Variants in SIRT7 observed in about 807,000 individuals in gnomAD.
The protein encoded by SIRT7 is sirtuin 7.
SIRT7 carries 32 observed loss-of-function variants against 42.8 expected under a neutral mutation model. The observed-to-expected ratio is 0.75, with a 90% CI of 0.56 to 1.00. The LOEUF (loss-of-function observed/expected upper bound fraction) is 1.00. SIRT7 is among the 50% of genes least tolerant of loss of function. The pLI is 0.00. For missense variants in SIRT7, 553 were observed against 572.2 expected, an observed-to-expected ratio of 0.97 and a Z score of 0.34; for synonymous variants, 297 against 245.2, an observed-to-expected ratio of 1.21 and a Z score of -1.97.
chr17:81,917,936 T>C lies in SIRT7; in HGVS notation c.125A>G (p.Glu42Gly), dbSNP rs1598344810. 1 of 1,390,314 alleles carries C rather than the reference T, an allele frequency of 7.2e-7. No homozygotes were observed. Among genetic ancestry groups the C allele is most frequent in the Non-Finnish European group, 9.3e-7 (1 of 1,073,372 alleles). The allele number at this position is 1,390,314 out of a possible 1,614,324, so 86.1% of individuals were successfully genotyped here. A position where few individuals can be genotyped will look rare whatever the true frequency, so the allele number is the denominator to read the frequency against. Reference sequence around the variant, plus strand: ...CAGCCGGCCCTCCTCGGCGCTGCGCTCCGCCGCCGCCTTCCTCAGGATGCG... The same window carrying C: ...CAGCCGGCCCTCCTCGGCGCTGCGCCCCGCCGCCGCCTTCCTCAGGATGCG... ...VSRILRKAAAERSAEEGRLLA... is the reference protein window; with the variant it reads ...VSRILRKAAAGRSAEEGRLLA... The change falls in exon 2 of 10, where the codon GAG (glutamate) becomes GGG (glycine). Residue 42 changes from glutamate to glycine, a missense_variant. Glu to Gly is a moderately conservative substitution (Grantham distance 98). Transcript: ENST00000328666.
chr17:81,915,070 G>A (rs140403377), intron 5 of SIRT7: 1 of 481,076 alleles, frequency 2.1e-6, no homozygotes, highest in Admixed American at 3.4e-5. Context: ...GACCTAGGCA[G>A]ATCAACCACT....
In SIRT7 at chr17:81,913,971, T is replaced by C. The variant is rs898246771; in HGVS notation, c.898-91A>G. The stretch of plus-strand genomic sequence containing the variant: ...TGGCCCCTACGGGCTCAGTCGGTGC[T>C]CCCTGAGCACCCACGGGGGCCCTAT... On this transcript the variant is annotated intron_variant, in intron 8 of 9. Coordinates refer to ENST00000328666, the MANE Select transcript of SIRT7 (RefSeq NM_016538.3). This position sits in a 1 kb window ranked among gnomAD's most constrained non-coding sequence, Gnocchi z 5.0. 91 of 1,543,206 alleles carry C rather than the reference T, an allele frequency of 5.9e-5. No homozygotes were observed. The Admixed American group carries it at 1.4e-3, about 23-fold the overall frequency.
Position 81,918,088 on chromosome 17 carries a change from T to TCCG in SIRT7, c.41_43dup (p.Ala14dup), listed in dbSNP as rs761260147. 2 of 1,551,316 alleles carry TCCG rather than the reference T, an allele frequency of 1.3e-6. No individual in the cohort carries two copies. The highest frequency in any genetic ancestry group is 1.7e-6 in the Non-Finnish European group (2 of 1,159,870). On this transcript the variant is annotated inframe_insertion, in exon 1 of 10. Transcript: ENST00000328666. ...CTCCTCCCGCAACCTCCGGACCCGC[T>TCCG]CCGCCGCTTTGCGCTCGGAGCGGCT...
chr17:81,915,488 C>T lies in SIRT7; in HGVS notation c.432G>A (p.Glu144=). 1 of 1,613,658 alleles carries T rather than the reference C, an allele frequency of 6.2e-7. No individual in the cohort carries two copies. Among genetic ancestry groups the T allele is most frequent in the Non-Finnish European group, 8.5e-7 (1 of 1,179,912 alleles). The change falls in exon 5 of 10, where the codon GAG becomes GAA. Residue 144 remains glutamate (E), a synonymous_variant. Coordinates refer to ENST00000328666, the MANE Select transcript of SIRT7 (RefSeq NM_016538.3). Reference sequence around the variant, plus strand: ...TGATGCTCATGTGGGTGAGGGTTGGCTCGGCCTCGCTCAGGTCGGCAGCAC... The same window carrying T: ...TGATGCTCATGTGGGTGAGGGTTGGTTCGGCCTCGCTCAGGTCGGCAGCAC... ...SVSAADLSEA[E]PTLTHMSITR...
rs565310494 is a variant in SIRT7, at chr17:81,912,728, T to C, written c.1005-114A>G. 1.4e-3 allele frequency: 1,578 copies of C among 1,149,688 alleles called. 4 individuals are homozygous for C. The highest frequency in any genetic ancestry group is 1.8e-3 in the Non-Finnish European group (1,452 of 791,970). 71.2% of individuals were successfully genotyped at this position (1,149,688 alleles called of 1,614,324 possible). A position where few individuals can be genotyped will look rare whatever the true frequency, so the allele number is the denominator to read the frequency against. On this transcript the variant is annotated intron_variant, in intron 9 of 9. Transcript: ENST00000328666. The stretch of plus-strand genomic sequence containing the variant: ...TGCCTTCCCATCCCCTTCCCTCCCG[T>C]GTCAACTGCGGCGGGGCTCTGGTTG...
intron 3 of SIRT7, 123 bp downstream of exon 3, chr17:81,917,492 G>A: frequency 1.2e-6 from 1 of 821,538 alleles, no homozygotes; most frequent in South Asian, 2.7e-5. Context: ...GTTTACCTTA[G>A]GTAAGTTTTG....
rs199857799 is a variant in SIRT7 at position 81,914,306 on chromosome 17, C to T, written c.804G>A (p.Gly268=). The stretch of plus-strand genomic sequence containing the variant: ...CATCGGCACGTACCTTCAGGCTGGA[C>T]CCTAGACACAGGATGGTGTCTGCTC... ...ASRADTILCL[G]SSLKVLKKYP... The change falls in exon 7 of 10, where the codon GGG becomes GGA. Residue 268 remains glycine (G), a synonymous_variant. Transcript: ENST00000328666. The T allele has an allele frequency of 6.8e-6, 11 of 1,613,140 alleles. No individual in the cohort carries two copies. The highest frequency in any genetic ancestry group is 8.5e-6 in the Non-Finnish European group (10 of 1,179,998).
chr17:81,917,491 A>T, intron 3 of SIRT7, 124 bp downstream of exon 3: 1 of 797,074 alleles, frequency 1.3e-6, no homozygotes, highest in Non-Finnish European at 1.8e-6. Context: ...CGTTTACCTT[A>T]GGTAAGTTTT....
In SIRT7 at chr17:81,914,358, C is replaced by T; in HGVS notation, c.752G>A (p.Trp251Ter). The T allele has an allele frequency of 6.2e-7, 1 of 1,613,030 alleles. No individual in the cohort carries two copies. The highest frequency in any genetic ancestry group is 8.5e-7 in the Non-Finnish European group (1 of 1,180,002). The change falls in exon 7 of 10, where the codon TGG becomes TAG. Residue 251 changes from tryptophan (W) to a stop codon, truncating the protein, a stop_gained. Transcript: ENST00000328666. LOFTEE classifies it high-confidence loss of function. ...ERGTLGQPLN[W>*]EAATEAASRA... ...GCTGGCAGCCTCGGTCGCCGCTTCC[C>T]AGTTCAAAGGCTGCCCCAACGTCCC...
Position 81,917,973 on chromosome 17 carries a change from G to T in SIRT7, c.94-6C>A. On this transcript the variant is annotated splice_region_variant and splice_polypyrimidine_tract_variant and intron_variant, in intron 1 of 9. Transcript: ENST00000328666. The stretch of plus-strand genomic sequence containing the variant: ...TTCCTCAGGATGCGCGACACCTGCG[G>T]GCAGGCGGACGGTGAGCGGCGGCGC... The T allele has an allele frequency of 7.5e-7, 1 of 1,340,074 alleles. No individual in the cohort carries two copies. 83.0% of individuals were successfully genotyped at this position (1,340,074 alleles called of 1,614,324 possible).
intron 3 of SIRT7, chr17:81,916,073 T>C: frequency 1.1e-5 from 3 of 281,552 alleles, no homozygotes; most frequent in Non-Finnish European, 2.1e-5. Context: ...TAGCAAATGG[T>C]GAATCCCTAG....
chr17:81,912,489 C>T lies in SIRT7; in HGVS notation c.1130G>A (p.Ser377Asn), dbSNP rs754975676. 12 of 1,613,930 alleles carry T rather than the reference C, an allele frequency of 7.4e-6. No homozygotes were observed. In the South Asian group the frequency reaches 9.9e-5, roughly 13 times the overall value. Residue 377 changes from serine (S) to asparagine (N), a missense_variant, in exon 10 of 10, where the codon AGC becomes AAC. Ser to Asn is a conservative substitution (Grantham distance 46). Transcript: ENST00000328666. Reference sequence around the variant, plus strand: ...CCAGCCCCCTAGGATGGGGGCCGAGCTAAGCGGTGCACCCCGGTCCCCAGG... The same window carrying T: ...CCAGCCCCCTAGGATGGGGGCCGAGTTAAGCGGTGCACCCCGGTCCCCAGG... ...APPGDRGAPLSSAPILGGWFG... is the reference protein window; with the variant it reads ...APPGDRGAPLNSAPILGGWFG...
rs2040680413 is a variant in SIRT7, at chr17:81,912,261, G to GC, written c.*154dup. ...CGTATCAGGGTACAACCGCAGCAGT[G>GC]CAAGGGGCTTCCTCAAGGACAAATG... is the stretch of plus-strand genomic sequence containing the variant. On this transcript the variant is annotated 3_prime_UTR_variant, in exon 10 of 10. Coordinates refer to ENST00000328666, the MANE Select transcript of SIRT7 (RefSeq NM_016538.3). 2.1e-6 allele frequency: 2 copies of GC among 936,784 alleles called. No individual in the cohort carries two copies. The highest frequency in any genetic ancestry group is 1.7e-6 in the Non-Finnish European group (1 of 603,228). The allele number at this position is 936,784 out of a possible 1,614,324, so 58.0% of individuals were successfully genotyped here. A position where few individuals can be genotyped will look rare whatever the true frequency, so the allele number is the denominator to read the frequency against.
rs200237563 is a variant in SIRT7 at position 81,917,720 on chromosome 17, C to T, written c.232-1G>A. 6 of 1,589,856 alleles carry T rather than the reference C, an allele frequency of 3.8e-6. No homozygotes were observed. The highest frequency in any genetic ancestry group is 5.1e-6 in the Non-Finnish European group (6 of 1,169,984). ...GCAGCTCCTCCGGGTCGTCGCACAC[C>T]TGCCAAGACGCCAGGGTGGTCACCG... On this transcript the variant is annotated splice_acceptor_variant, in intron 2 of 9. Coordinates refer to ENST00000328666, the MANE Select transcript of SIRT7 (RefSeq NM_016538.3). LOFTEE classifies it high-confidence loss of function.
intron 3 of SIRT7, chr17:81,917,354 C>CT (rs1302722959): frequency 2.7e-6 from 1 of 372,406 alleles, no homozygotes; most frequent in African/African-American, 2.1e-5. Flanking sequence ...AAAATCACAA[C>CT]TTTGGGCTTA....
Position 81,912,284 on chromosome 17 carries a change from A to C in SIRT7, c.*132T>G. 8.2e-7 allele frequency: 1 copy of C among 1,217,792 alleles called. No individual in the cohort carries two copies. The highest frequency in any genetic ancestry group is 1.3e-5 in the South Asian group (1 of 78,582). The allele number at this position is 1,217,792 out of a possible 1,614,324, so 75.4% of individuals were successfully genotyped here. On this transcript the variant is annotated 3_prime_UTR_variant, in exon 10 of 10. Coordinates refer to ENST00000328666, the MANE Select transcript of SIRT7 (RefSeq NM_016538.3). The stretch of plus-strand genomic sequence containing the variant: ...GTGCAAGGGGCTTCCTCAAGGACAA[A>C]TGGCTAAAAATGTCACGGTGAAAAT...
chr17:81,912,691 G>T, intron 9 of SIRT7, 77 bp from the exon 10 acceptor site: 1 of 1,471,468 alleles, frequency 6.8e-7, no homozygotes, highest in Non-Finnish European at 9.3e-7. Context: ...CGGGAAAGCT[G>T]TCTGCGGTCC....
Position 81,913,033 on chromosome 17 carries a change from G to A in SIRT7, c.1005-419C>T. The stretch of plus-strand genomic sequence containing the variant: ...TCCCCCTTCCCAGCTGACTAGGGAG[G>A]CGTGGCCTACAGACGACCCCGTGAA... On this transcript the variant is annotated intron_variant, in intron 9 of 9. Transcript: ENST00000328666. The surrounding 1 kb of genome is among the most constrained non-coding windows in gnomAD (Gnocchi z 5.0). 2.8e-6 allele frequency: 1 copy of A among 361,288 alleles called. No individual in the cohort carries two copies. The highest frequency in any genetic ancestry group is 7.7e-5 in the East Asian group (1 of 13,022). 22.4% of individuals were successfully genotyped at this position (361,288 alleles called of 1,614,324 possible). A position where few individuals can be genotyped will look rare whatever the true frequency, so the allele number is the denominator to read the frequency against.
At chr17:81,915,971 G>A in intron 3 of SIRT7, 1 of 437,206 alleles carries the variant, frequency 2.3e-6, no homozygotes, top group South Asian at 2.1e-5. Flanking sequence ...GCACAAAGCT[G>A]GGCTCTGTGG....
Sources: gnomAD v4.1 joint callset for allele counts on GRCh38, gnomAD v4.1.1 for gene constraint, Gnocchi (gnomAD v3.1) non-coding constraint, MANE v1.5 for transcripts, NCBI Gene and HGNC (gene_info 2026-07-23, HGNC 2026-07-21) for gene names.